The following MAD1L1 variants were observed in gnomAD, a reference collection of about 807,000 sequenced individuals.
MAD1L1 encodes the protein mitotic arrest deficient 1 like 1.
A neutral mutation model predicts 96.9 loss-of-function variants in MAD1L1; 95 were observed. That is an observed-to-expected ratio of 0.98 (90% CI 0.83 to 1.16). The LOEUF (loss-of-function observed/expected upper bound fraction) is 1.16, where lower values mean the gene tolerates loss of function less well. Among genes scored for constraint, MAD1L1 ranks in the 50% most tolerant of loss-of-function variants. The pLI is 0.00. For missense variants in MAD1L1, 1,007 were observed against 954.4 expected, an observed-to-expected ratio of 1.06 and a Z score of -0.73; for synonymous variants, 473 against 396.6, an observed-to-expected ratio of 1.19 and a Z score of -2.29.
chr7:1,855,389 C>T (rs1784197595), intron 18 of MAD1L1, among the ~76,000 whole-genome samples: 1 of 152,040 alleles, frequency 6.6e-6, no homozygotes, highest in African/African-American at 2.4e-5. Flanking sequence ...CCGCTTCCTT[C>T]TGCTTGATGC....
At chr7:2,207,800 G>A (rs138524679) in intron 10 of MAD1L1, among the ~76,000 whole-genome samples, 3 of 152,314 alleles carry the variant, frequency 2.0e-5, no homozygotes, top group Non-Finnish European at 2.9e-5. Context: ...GTCAGTGAAA[G>A]AGGAAGAGAA....
chr7:2,111,352 C>A (rs1312339424), intron 11 of MAD1L1, among the ~76,000 whole-genome samples: 1 of 152,208 alleles, frequency 6.6e-6, no homozygotes, highest in Non-Finnish European at 1.5e-5. Flanking sequence ...GCCTCCCAGG[C>A]GGCAAGGAGC....
intron 10 of MAD1L1, 57 bp downstream of exon 10, chr7:2,213,155 C>A: frequency 6.3e-7 from 1 of 1,582,794 alleles, no homozygotes; most frequent in East Asian, 2.2e-5. Context: ...AGGCTCTGCT[C>A]TTCACCCAGG....
intron 15 of MAD1L1, among the ~76,000 whole-genome samples, chr7:1,970,926 C>T (rs906828957): frequency 1.3e-5 from 2 of 152,164 alleles, no homozygotes; most frequent in Non-Finnish European, 2.9e-5. Context: ...TGGTACTCGC[C>T]GACCATGAAC....
At chr7:1,870,305 C>T (rs906236656) in intron 18 of MAD1L1, among the ~76,000 whole-genome samples, 20 of 147,834 alleles carry the variant, frequency 1.4e-4, no homozygotes, top group East Asian at 4.1e-4. Context: ...ACACCTGCCA[C>T]GCTGAACCTA....
At chr7:2,169,128 G>A (rs1790583947) in intron 10 of MAD1L1, among the ~76,000 whole-genome samples, 1 of 152,206 alleles carries the variant, frequency 6.6e-6, no homozygotes, top group African/African-American at 2.4e-5. Flanking sequence ...GACAAGCGTG[G>A]GATGGCCTCC....
intron 12 of MAD1L1, among the ~76,000 whole-genome samples, chr7:2,020,364 C>A (rs1404530678): frequency 1.3e-5 from 2 of 152,250 alleles, no homozygotes; most frequent in Admixed American, 6.5e-5. Flanking sequence ...AAGGCGTGCA[C>A]CCGGCCCCGG....
At chr7:2,075,523 A>G (rs1326730856) in intron 11 of MAD1L1, among the ~76,000 whole-genome samples, 1 of 152,100 alleles carries the variant, frequency 6.6e-6, no homozygotes, top group African/African-American at 2.4e-5. Flanking sequence ...GGTCACTGGC[A>G]TTTCCGTGAG....
intron 10 of MAD1L1, among the ~76,000 whole-genome samples, chr7:2,168,053 G>A (rs1790523298): frequency 1.3e-5 from 2 of 152,244 alleles, no homozygotes; most frequent in Non-Finnish European, 2.9e-5. Flanking sequence ...GGGAGGCCGA[G>A]GCGGGTGGAT....
At chr7:1,873,106 G>A (rs1785193743) in intron 18 of MAD1L1, among the ~76,000 whole-genome samples, 1 of 152,250 alleles carries the variant, frequency 6.6e-6, no homozygotes, top group African/African-American at 2.4e-5. Context: ...GAGCGGGGAG[G>A]AGCCCCCCGT....
intron 11 of MAD1L1, among the ~76,000 whole-genome samples, chr7:2,096,763 G>T (rs1786511861): frequency 1.3e-5 from 2 of 152,112 alleles, no homozygotes; most frequent in East Asian, 3.9e-4. Context: ...CATAAGGGAG[G>T]GGGCAGGCTG....
intron 14 of MAD1L1, among the ~76,000 whole-genome samples, chr7:1,992,604 C>T (rs1562590229): frequency 6.6e-6 from 1 of 152,232 alleles, no homozygotes; most frequent in Admixed American, 6.5e-5. Flanking sequence ...TCCAATCCTA[C>T]ATCTGCCTTT....
At chr7:1,940,550 C>G (rs894136354) in intron 16 of MAD1L1, 1 of 152,334 alleles carries the variant, frequency 6.6e-6, no homozygotes, top group South Asian at 2.1e-4. Flanking sequence ...TACGGAGCCT[C>G]GAGGAGCCAG....
intron 14 of MAD1L1, among the ~76,000 whole-genome samples, chr7:1,988,322 G>A (rs1447158381): frequency 5.9e-5 from 9 of 152,128 alleles, no homozygotes; most frequent in Non-Finnish European, 4.4e-5. Flanking sequence ...ACAGCAGCCC[G>A]GCCGTCCCCC....
chr7:1,914,450 G>A (rs563130424), intron 17 of MAD1L1, among the ~76,000 whole-genome samples: 12 of 152,240 alleles, frequency 7.9e-5, no homozygotes, highest in Non-Finnish European at 1.6e-4. Flanking sequence ...CTCTGAGGGT[G>A]GAGGAAAGGC....
At chr7:1,955,823 A>C (rs947883322) in intron 16 of MAD1L1, among the ~76,000 whole-genome samples, 2 of 152,178 alleles carry the variant, frequency 1.3e-5, no homozygotes, top group African/African-American at 4.8e-5. Context: ...CCCACAATGC[A>C]CTGCAATCCT....
chr7:2,071,937 C>T (rs1785151330), intron 11 of MAD1L1, among the ~76,000 whole-genome samples: 2 of 152,240 alleles, frequency 1.3e-5, no homozygotes, highest in South Asian at 4.1e-4. Context: ...CACCCTTCCC[C>T]CACATCTCGC....
At position 2,217,987 on chromosome 7, in the gene MAD1L1, C is replaced by A. The variant is rs1156294307; in HGVS notation, c.653G>T (p.Arg218Ile). ...IQELQASQEA[R>I]ADHEQQIKDL... ...CTTAATCTGCTGCTCGTGGTCTGCT[C>A]TTGCTTCTTGGCTGGCCTGGAGTTC... Residue 218 changes from arginine to isoleucine, a missense_variant, in exon 7 of 19, where the codon AGA becomes ATA. Arg to Ile is a moderately conservative substitution (Grantham distance 97). Transcript: ENST00000265854. 3.7e-6 allele frequency: 6 copies of A among 1,614,002 alleles called. No homozygotes were observed.
At chr7:1,830,522 T>C (rs1158007074) in intron 18 of MAD1L1, among the ~76,000 whole-genome samples, 1 of 152,260 alleles carries the variant, frequency 6.6e-6, no homozygotes, top group Non-Finnish European at 1.5e-5. Flanking sequence ...TTACAATTAT[T>C]ATTTACATCT....
Sources: gnomAD v4.1 joint callset for allele counts (sites outside exome capture counted in the v4.1 genomes callset) on GRCh38, gnomAD v4.1.1 for gene constraint, MANE v1.5 for transcripts, NCBI Gene and HGNC (gene_info 2026-07-23, HGNC 2026-07-21) for gene names.